SAMD4A: variants seen among roughly 807,000 people sequenced by gnomAD.
SAMD4A encodes protein Smaug homolog 1.
In SAMD4A, 33 loss-of-function variants were observed where a neutral mutation model predicts 81.3. The observed-to-expected ratio is 0.41, with a 90% CI of 0.31 to 0.54. SAMD4A has a LOEUF of 0.54. Among genes scored for constraint, SAMD4A ranks in the 20% least tolerant of loss-of-function variants. The probability of loss-of-function intolerance (pLI) is 0.37; values close to 1 mark genes in which losing one functional copy is unlikely to be tolerated. For missense variants in SAMD4A, 854 were observed against 951.1 expected (o/e 0.90, Z 1.34); for synonymous variants, 389 against 382.1 (o/e 1.02, Z -0.21).
intron 2 of SAMD4A, among the ~76,000 whole-genome samples, chr14:54,571,485 AG>A (rs2033127224): frequency 1.3e-5 from 2 of 152,212 alleles, no homozygotes; most frequent in African/African-American, 2.4e-5. Context: ...AGTTTCCAAA[AG>A]AAAAATAGAC....
intron 2 of SAMD4A, chr14:54,685,942 C>G (rs1594809800): frequency 2.2e-6 from 1 of 446,656 alleles, no homozygotes; most frequent in African/African-American, 2.0e-5. Flanking sequence ...ACTTGCTAAA[C>G]TATCTCTGGC....
At chr14:54,692,016 A>G (rs557217622) in intron 2 of SAMD4A, among the ~76,000 whole-genome samples, 7 of 152,342 alleles carry the variant, frequency 4.6e-5, no homozygotes, top group Admixed American at 3.3e-4. Context: ...TTTTGGGAAT[A>G]TCTACATGCT....
intron 4 of SAMD4A, among the ~76,000 whole-genome samples, chr14:54,740,392 G>A (rs2037817142): frequency 6.6e-6 from 1 of 152,192 alleles, no homozygotes; most frequent in South Asian, 2.1e-4. Flanking sequence ...CAGTTTAGAA[G>A]AACAATAAGA....
chr14:54,568,169 C>T (rs2033000353), intron 2 of SAMD4A, 57 bp downstream of exon 2: 4 of 1,385,376 alleles, frequency 2.9e-6, no homozygotes, highest in Admixed American at 3.0e-5. Flanking sequence ...GCTCCTCCCT[C>T]CGCTTCTCTG....
At chr14:54,753,726 G>A (rs914908547) in intron 6 of SAMD4A, among the ~76,000 whole-genome samples, 2 of 151,444 alleles carry the variant, frequency 1.3e-5, no homozygotes, top group African/African-American at 2.4e-5. Context: ...TAAACCTCTG[G>A]CCAGATAGAC....
intron 2 of SAMD4A, among the ~76,000 whole-genome samples, chr14:54,700,168 A>C (rs1183958191): frequency 6.6e-6 from 1 of 152,190 alleles, no homozygotes; most frequent in Non-Finnish European, 1.5e-5. Flanking sequence ...GACAAGCTGA[A>C]GGAATTACCT....
At chr14:54,647,609 C>T (rs1486784014) in intron 2 of SAMD4A, among the ~76,000 whole-genome samples, 7 of 152,104 alleles carry the variant, frequency 4.6e-5, no homozygotes, top group Non-Finnish European at 8.8e-5. Flanking sequence ...ATTTACTCTG[C>T]GTAGAAGAGA....
intron 2 of SAMD4A, among the ~76,000 whole-genome samples, chr14:54,675,980 G>T (rs1294781428): frequency 6.6e-6 from 1 of 152,202 alleles, no homozygotes; most frequent in East Asian, 1.9e-4. Context: ...TTCCACGGGA[G>T]GGCTCCCTTA....
At chr14:54,667,711 C>T (rs1445906263) in intron 2 of SAMD4A, among the ~76,000 whole-genome samples, 1 of 152,218 alleles carries the variant, frequency 6.6e-6, no homozygotes, top group Non-Finnish European at 1.5e-5. Flanking sequence ...TCACCAGTAA[C>T]TCAGGTGGAT....
chr14:54,633,852 C>G (rs754056033), intron 2 of SAMD4A, among the ~76,000 whole-genome samples: 5 of 152,018 alleles, frequency 3.3e-5, no homozygotes, highest in Non-Finnish European at 7.4e-5. Context: ...TTGGTACCTG[C>G]TAAACAAATA....
chr14:54,764,478 A>C lies in SAMD4A; in HGVS notation c.1534A>C (p.Arg512=). The C allele has an allele frequency of 6.2e-7, 1 of 1,612,206 alleles. No individual in the cohort carries two copies. Among genetic ancestry groups the C allele is most frequent in the East Asian group, 2.2e-5 (1 of 44,884 alleles). The change falls in exon 8 of 13, where the codon AGA becomes CGA. Residue 512 remains arginine (R), a synonymous_variant. Transcript: ENST00000554335. The part of the protein sequence containing the change: ...GKVCTQLLVS[R]PDEENISSYL... ...AGTGTGCACACAGCTCTTGGTCTCC[A>C]GACCTGATGAGGAAAATATAAGTTC...
At chr14:54,600,251 C>T (rs1294113766) in intron 2 of SAMD4A, among the ~76,000 whole-genome samples, 1 of 152,212 alleles carries the variant, frequency 6.6e-6, no homozygotes. Flanking sequence ...ATGTCACTGT[C>T]ATAAACCCAG....
intron 2 of SAMD4A, among the ~76,000 whole-genome samples, chr14:54,629,330 A>G (rs1284255938): frequency 6.6e-6 from 1 of 152,224 alleles, no homozygotes; most frequent in African/African-American, 2.4e-5. Context: ...ATTTGTTTTC[A>G]GAACTGTGAG....
At chr14:54,649,696 G>A (rs1316437680) in intron 2 of SAMD4A, among the ~76,000 whole-genome samples, 5 of 152,224 alleles carry the variant, frequency 3.3e-5, no homozygotes, top group Non-Finnish European at 7.3e-5. Context: ...ACAGTGGGAA[G>A]TGTTGACTGA....
rs530283005 is a variant in SAMD4A, at chr14:54,628,491, G to T, written c.196+60379G>T. The stretch of plus-strand genomic sequence containing the variant: ...TCTGAAAGTCAAGCATGAGACTATT[G>T]GGGAAGCAGCTATGGAAATAGGCCT... On this transcript the variant is annotated intron_variant, in intron 2 of 12. Coordinates refer to ENST00000554335, the MANE Select transcript of SAMD4A (RefSeq NM_015589.6). Among the ~76,000 whole-genome samples the T allele has an allele frequency of 1.0e-3, 152 of 152,246 alleles. 1 individual carries two copies. The highest frequency in any genetic ancestry group is 1.6e-3 in the Non-Finnish European group (107 of 68,002).
At chr14:54,753,381 A>G (rs1273745966) in intron 6 of SAMD4A, among the ~76,000 whole-genome samples, 53 of 144,446 alleles carry the variant, frequency 3.7e-4, no homozygotes, top group South Asian at 8.6e-4. Flanking sequence ...CATTTTGTTA[A>G]CAAGGCACGT....
chr14:54,655,757 A>G (rs544308134), intron 2 of SAMD4A, among the ~76,000 whole-genome samples: 6 of 152,202 alleles, frequency 3.9e-5, no homozygotes, highest in Admixed American at 3.9e-4. Flanking sequence ...AAAACAAACA[A>G]ACAAACAAAA....
At chr14:54,766,415 A>G (rs1343629456) in intron 8 of SAMD4A, among the ~76,000 whole-genome samples, 1 of 152,198 alleles carries the variant, frequency 6.6e-6, no homozygotes, top group African/African-American at 2.4e-5. Context: ...CATCACAGCC[A>G]TGATGAGAAA....
At position 54,668,999 on chromosome 14, in the gene SAMD4A, G is replaced by A. The variant is rs368233576; in HGVS notation, c.197-33063G>A. ...AAGGCTGAACCTCCAATCAGTGCCC[G>A]AGGCCATAGAGCAGAGGACATTTAG... On this transcript the variant is annotated intron_variant, in intron 2 of 12. Transcript: ENST00000554335. 1.5e-4 allele frequency among the ~76,000 whole-genome samples: 23 copies of A among 152,340 alleles called. 2 individuals are homozygous for A. The highest frequency in any genetic ancestry group is 5.9e-4 in the Admixed American group (9 of 15,308).
Sources: allele counts gnomAD v4.1 joint callset (sites outside exome capture counted in the v4.1 genomes callset), GRCh38; gene constraint gnomAD v4.1.1; transcripts MANE v1.5; gene names NCBI Gene and HGNC (gene_info 2026-07-23, HGNC 2026-07-21).